ATP10B: variants seen among roughly 807,000 people sequenced by gnomAD.
ATP10B encodes the protein phospholipid-transporting ATPase VB.
In ATP10B, 122 loss-of-function variants were observed where a neutral mutation model predicts 141.2. The observed-to-expected ratio is 0.86, with a 90% CI of 0.75 to 1.00. ATP10B has a LOEUF of 1.00. ATP10B is among the 50% of genes least tolerant of loss of function. The pLI, the probability that ATP10B is intolerant of heterozygous loss-of-function variation, is 0.00. For synonymous variants in ATP10B, 685 were observed against 692.0 expected, an observed-to-expected ratio of 0.99 and a Z score of 0.16; for missense variants, 1,876 against 1,825.3, an observed-to-expected ratio of 1.03 and a Z score of -0.51.
At chr5:160,593,104 A>T (rs1337486097) in intron 22 of ATP10B, among the ~76,000 whole-genome samples, 1 of 152,250 alleles carries the variant, frequency 6.6e-6, no homozygotes, top group Non-Finnish European at 1.5e-5. Context: ...GAATGGGCAG[A>T]CTGCCTCCTC....
chr5:160,628,896 G>A (rs180824664), intron 13 of ATP10B, among the ~76,000 whole-genome samples: 28 of 151,380 alleles, frequency 1.8e-4, no homozygotes, highest in Admixed American at 1.5e-3. Context: ...TTTATTGCAG[G>A]CAATTAGGTG....
In ATP10B at chr5:160,565,881, G is replaced by T; in HGVS notation, c.3958C>A (p.Gln1320Lys). The T allele has an allele frequency of 6.2e-7, 1 of 1,610,388 alleles. No individual in the cohort carries two copies. Among genetic ancestry groups the T allele is most frequent in the Non-Finnish European group, 8.5e-7 (1 of 1,178,904 alleles). Residue 1320 changes from glutamine to lysine, a missense_variant, in exon 26 of 26, where the codon CAA becomes AAA. Gln to Lys is a moderately conservative substitution (Grantham distance 53, BLOSUM62 1). Coordinates refer to ENST00000327245, the MANE Select transcript of ATP10B (RefSeq NM_025153.3). ...ATTAGAGACTTCCCACAAGTTCCTTGCAGAGACAGGAAAAAGTATCTGGTG... is the reference window on the plus strand; with the variant it reads ...ATTAGAGACTTCCCACAAGTTCCTTTCAGAGACAGGAAAAAGTATCTGGTG... ...LLPRYFFLSL[Q>K]GTCGKSLISK...
At chr5:160,913,552 C>T in the ATP10B span, among the ~76,000 whole-genome samples, 2 of 152,136 alleles carry the variant, frequency 1.3e-5, no homozygotes, top group African/African-American at 2.4e-5. Flanking sequence ...ATCTTCTTCA[C>T]CTCTATCTAC....
intron 7 of ATP10B, among the ~76,000 whole-genome samples, chr5:160,663,198 A>C (rs1004762432): frequency 6.6e-6 from 1 of 152,208 alleles, no homozygotes; most frequent in Non-Finnish European, 1.5e-5. Flanking sequence ...GTGGGACTGT[A>C]AACTAGTTCA....
chr5:160,839,339 GA>G (rs774912262), intron 1 of ATP10B, among the ~76,000 whole-genome samples: 9 of 151,926 alleles, frequency 5.9e-5, no homozygotes, highest in African/African-American at 1.9e-4. Context: ...CAGAGTGGCA[GA>G]AAAAAACCCT....
At chr5:160,608,291 G>C (rs565608747) in intron 18 of ATP10B, among the ~76,000 whole-genome samples, 4 of 152,260 alleles carry the variant, frequency 2.6e-5, no homozygotes, top group African/African-American at 9.6e-5. Flanking sequence ...AGTATTCCAT[G>C]GTGTATATGT....
At chr5:160,874,351 CAG>C in the ATP10B span, among the ~76,000 whole-genome samples, 1 of 152,128 alleles carries the variant, frequency 6.6e-6, no homozygotes, top group African/African-American at 2.4e-5. Flanking sequence ...AACTAACAAA[CAG>C]AAAGGACATC....
chr5:160,603,962 TA>T lies in ATP10B; in HGVS notation c.3237+2del. ...AAAGAAGAATAGTTGCAGAGAACAA[TA>T]CCTGCATGCCTTCCTGTCCAGATAT... On this transcript the variant is annotated splice_donor_variant, in intron 20 of 25. Coordinates refer to ENST00000327245, the MANE Select transcript of ATP10B (RefSeq NM_025153.3). LOFTEE classifies it high-confidence loss of function. 6.2e-7 allele frequency: 1 copy of T among 1,611,950 alleles called. No homozygotes were observed. Among genetic ancestry groups the T allele is most frequent in the Non-Finnish European group, 8.5e-7 (1 of 1,178,216 alleles).
chr5:160,783,393 A>G (rs61710455), intron 2 of ATP10B, among the ~76,000 whole-genome samples: 21,411 of 134,768 alleles, frequency 0.16, 1,878 homozygotes, highest in Middle Eastern at 0.2. Flanking sequence ...ATATATATAT[A>G]TGTGATGGAT....
chr5:160,806,938 TAGG>T (rs1772817067), intron 1 of ATP10B, among the ~76,000 whole-genome samples: 2 of 152,078 alleles, frequency 1.3e-5, no homozygotes, highest in African/African-American at 4.8e-5. Context: ...TTCCTTCATG[TAGG>T]AGGTCAACAG....
chr5:160,628,698 G>C (rs921278024), intron 13 of ATP10B, among the ~76,000 whole-genome samples: 3 of 152,164 alleles, frequency 2.0e-5, no homozygotes, highest in African/African-American at 7.2e-5. Flanking sequence ...TCTGTGGTCT[G>C]ATGGCACTGA....
chr5:160,846,306 A>T (rs1365065772), intron 1 of ATP10B, among the ~76,000 whole-genome samples: 1 of 152,176 alleles, frequency 6.6e-6, no homozygotes, highest in East Asian at 1.9e-4. Flanking sequence ...TCAAACTCAC[A>T]TGGTGAGTTG....
chr5:160,804,009 G>T (rs1045531384), intron 1 of ATP10B, among the ~76,000 whole-genome samples: 1 of 152,038 alleles, frequency 6.6e-6, no homozygotes, highest in African/African-American at 2.4e-5. Flanking sequence ...ACTGGAACTG[G>T]AGTTACTGTG....
chr5:160,797,380 T>C (rs1298835121), intron 1 of ATP10B, among the ~76,000 whole-genome samples: 1 of 152,206 alleles, frequency 6.6e-6, no homozygotes, highest in East Asian at 1.9e-4. Flanking sequence ...GTTCCTCCAC[T>C]CCCGAGACCA....
chr5:160,767,528 C>T (rs1769538572), intron 2 of ATP10B, among the ~76,000 whole-genome samples: 1 of 151,668 alleles, frequency 6.6e-6, no homozygotes, highest in African/African-American at 2.4e-5. Context: ...CCAAAGTCCT[C>T]ATATTGGAAT....
chr5:160,575,759 T>C (rs1461037735), intron 24 of ATP10B, among the ~76,000 whole-genome samples: 1 of 152,142 alleles, frequency 6.6e-6, no homozygotes, highest in Non-Finnish European at 1.5e-5. Flanking sequence ...ATTTAACAGA[T>C]AGTTATTGTT....
At chr5:160,842,151 G>C (rs1361251392) in intron 1 of ATP10B, among the ~76,000 whole-genome samples, 1 of 152,152 alleles carries the variant, frequency 6.6e-6, no homozygotes, top group Non-Finnish European at 1.5e-5. Context: ...ATAGATATAA[G>C]CTAGAAATAA....
intron 25 of ATP10B, 46 bp downstream of exon 25, chr5:160,569,450 G>A (rs1754739812): frequency 3.1e-6 from 5 of 1,599,654 alleles, no homozygotes; most frequent in Non-Finnish European, 4.3e-6. Context: ...CTTATTAAAG[G>A]GAGATTGGTA....
In ATP10B at chr5:160,615,872, A is replaced by G. The variant is rs1450372705; in HGVS notation, c.2619T>C (p.Thr873=). Residue 873 remains threonine (T), a synonymous_variant, in exon 17 of 26, where the codon ACT becomes ACC. Coordinates refer to ENST00000327245, the MANE Select transcript of ATP10B (RefSeq NM_025153.3). ...TGAGTTGATTCTCCAGATGCTGTGC[A>G]GTTTCCATGAGAAGCTCATCTCGGT... ...LDNRDELLME[T]AQHLENQLTL... is the part of the protein sequence containing the mutation. The G allele has an allele frequency of 1.9e-6, 3 of 1,613,714 alleles. No individual in the cohort carries two copies. The highest frequency in any genetic ancestry group is 4.5e-5 in the East Asian group (2 of 44,860).
Sources: gnomAD v4.1 joint callset for allele counts (sites outside exome capture counted in the v4.1 genomes callset) on GRCh38, gnomAD v4.1.1 for gene constraint, MANE v1.5 for transcripts, NCBI Gene and HGNC (gene_info 2026-07-23, HGNC 2026-07-21) for gene names.